Variants in DOCK10 observed in about 807,000 individuals in gnomAD.
The protein encoded by DOCK10 is dedicator of cytokinesis 10.
Under a neutral mutation model 280.1 loss-of-function variants are expected in DOCK10, and 145 were observed. The observed-to-expected ratio is 0.52, with a 90% CI of 0.45 to 0.59. DOCK10 has a LOEUF of 0.59. Among genes scored for constraint, DOCK10 ranks in the 20% least tolerant of loss-of-function variants. The pLI, the probability that DOCK10 is intolerant of heterozygous loss-of-function variation, is 0.00. For missense variants in DOCK10, 2,368 were observed against 2,651.7 expected, an observed-to-expected ratio of 0.89 and a Z score of 2.35; for synonymous variants, 915 against 942.2, an observed-to-expected ratio of 0.97 and a Z score of 0.53.
At chr2:224,892,397 C>CAAAAAAAAAAAAAAAAAAAAAAAAAAAA (rs1174651393) in intron 4 of DOCK10, among the ~76,000 whole-genome samples, 1 of 52,252 alleles carries the variant, frequency 1.9e-5, no homozygotes, top group Non-Finnish European at 3.3e-5. Context: ...GACCCTGTCT[C>CAAAAAAAAAAAAAAAAAAAAAAAAAAAA]AAAAAAAAAA....
At chr2:224,996,567 TCA>T (rs1330086215) in intron 1 of DOCK10, among the ~76,000 whole-genome samples, 4 of 152,208 alleles carry the variant, frequency 2.6e-5, no homozygotes, top group Non-Finnish European at 1.5e-5. Flanking sequence ...TAGGGACTAT[TCA>T]CAGACAGAAT....
rs771683635 is a variant in DOCK10, at chr2:224,886,088, G to T, written c.587C>A (p.Thr196Asn). The change falls in exon 6 of 56, where the codon ACC becomes AAC. Residue 196 changes from threonine to asparagine, a missense_variant. Transcript: ENST00000258390. ...CCGAACAGTAACGGTGTTGTTCACG[G>T]TGCTGTTAAAATTCCCCTTGTAGAG... ...GWLYKGNFNS[T>N]VNNTVTVRSF... is the part of the protein sequence containing the mutation. 6.2e-7 allele frequency: 1 copy of T among 1,613,772 alleles called. No homozygotes were observed. The highest frequency in any genetic ancestry group is 8.5e-7 in the Non-Finnish European group (1 of 1,179,846).
intron 1 of DOCK10, among the ~76,000 whole-genome samples, chr2:225,002,185 T>C (rs1706448732): frequency 6.6e-6 from 1 of 152,194 alleles, no homozygotes; most frequent in South Asian, 2.1e-4. Flanking sequence ...CATCTGACTT[T>C]TGAAGGCCGA....
intron 47 of DOCK10, among the ~76,000 whole-genome samples, chr2:224,790,181 A>T (rs945459790): frequency 2.6e-5 from 4 of 152,258 alleles, no homozygotes; most frequent in Non-Finnish European, 5.9e-5. Context: ...CTCTACAGAT[A>T]CATGTGAAAA....
chr2:224,858,647 C>T (rs954763082), intron 14 of DOCK10, among the ~76,000 whole-genome samples: 16 of 151,740 alleles, frequency 1.1e-4, no homozygotes, highest in Non-Finnish European at 2.1e-4. Flanking sequence ...AGCGAGACTC[C>T]GTCTCAAAAA....
intron 41 of DOCK10, 94 bp from the exon 42 acceptor site, chr2:224,798,063 C>A: frequency 7.8e-7 from 1 of 1,278,540 alleles, no homozygotes; most frequent in South Asian, 1.3e-5. Flanking sequence ...TGTGGTAAGG[C>A]ACTATTTTGA....
At chr2:224,781,974 T>G (rs1478367856) in intron 50 of DOCK10, among the ~76,000 whole-genome samples, 1 of 152,076 alleles carries the variant, frequency 6.6e-6, no homozygotes, top group Non-Finnish European at 1.5e-5. Flanking sequence ...GAAGAATGTA[T>G]TTGAGGAGGA....
chr2:224,992,644 C>G (rs952749515), intron 1 of DOCK10, among the ~76,000 whole-genome samples: 1 of 152,196 alleles, frequency 6.6e-6, no homozygotes, highest in African/African-American at 2.4e-5. Context: ...CCTATTATCT[C>G]CAGTTTGTGC....
At chr2:224,914,073 C>A (rs1319233493) in intron 3 of DOCK10, among the ~76,000 whole-genome samples, 4 of 152,010 alleles carry the variant, frequency 2.6e-5, no homozygotes, top group Non-Finnish European at 5.9e-5. Context: ...TTCTTTTTTT[C>A]ATCTGGAATT....
intron 2 of DOCK10, among the ~76,000 whole-genome samples, chr2:224,921,096 A>ATATATATAT (rs1480408193): frequency 1.7e-4 from 5 of 29,968 alleles, no homozygotes; most frequent in Non-Finnish European, 2.5e-4. Context: ...CTCTATTAAA[A>ATATATATAT]AAAAAAAAAA....
At chr2:224,881,580 T>C (rs1698981414) in intron 7 of DOCK10, among the ~76,000 whole-genome samples, 2 of 152,194 alleles carry the variant, frequency 1.3e-5, no homozygotes, top group South Asian at 4.1e-4. Context: ...CTGCCTCAAG[T>C]TAAACTTTGC....
intron 47 of DOCK10, among the ~76,000 whole-genome samples, chr2:224,789,733 C>A (rs1692013335): frequency 6.6e-6 from 1 of 151,532 alleles, no homozygotes; most frequent in Non-Finnish European, 1.5e-5. Flanking sequence ...GAGTGAGACC[C>A]TATCTCTCCC....
chr2:224,854,830 C>T (rs1696995222), intron 16 of DOCK10, 133 bp downstream of exon 16: 1 of 605,350 alleles, frequency 1.7e-6, no homozygotes, highest in Non-Finnish European at 2.8e-6. Context: ...AAAAAAAACC[C>T]AAAACCTTGT....
At chr2:224,783,834 T>G (rs1254622644) in intron 50 of DOCK10, among the ~76,000 whole-genome samples, 1 of 152,000 alleles carries the variant, frequency 6.6e-6, no homozygotes, top group African/African-American at 2.4e-5. Context: ...GGTATGAATG[T>G]GGGAAGGAAT....
At chr2:224,790,455 C>T (rs1251383488) in intron 47 of DOCK10, among the ~76,000 whole-genome samples, 1 of 152,128 alleles carries the variant, frequency 6.6e-6, no homozygotes, top group Non-Finnish European at 1.5e-5. Flanking sequence ...GTGGTGCCTT[C>T]TATGTAGCAA....
intron 31 of DOCK10, among the ~76,000 whole-genome samples, chr2:224,813,384 T>A (rs1321855063): frequency 6.6e-6 from 1 of 152,104 alleles, no homozygotes; most frequent in Non-Finnish European, 1.5e-5. Context: ...TTAGTAGAGA[T>A]GGGGTTTCAC....
intron 7 of DOCK10, among the ~76,000 whole-genome samples, chr2:224,885,207 C>T (rs1039570829): frequency 6.6e-6 from 1 of 152,142 alleles, no homozygotes; most frequent in African/African-American, 2.4e-5. Flanking sequence ...ACCATGTTGG[C>T]CTAGCTAGTC....
chr2:224,844,749 T>C lies in DOCK10; in HGVS notation c.2568+4A>G. On this transcript the variant is annotated splice_donor_region_variant and intron_variant, in intron 22 of 55. Transcript: ENST00000258390. Reference sequence around the variant, plus strand: ...ATGCTAGTATTTCAGGTCAACATACTCACCTGAGTATTTACTGTTGATACA... The same window carrying C: ...ATGCTAGTATTTCAGGTCAACATACCCACCTGAGTATTTACTGTTGATACA... The C allele has an allele frequency of 6.3e-7, 1 of 1,575,568 alleles. No homozygotes were observed. Among genetic ancestry groups the C allele is most frequent in the South Asian group, 1.2e-5 (1 of 86,556 alleles).
At chr2:224,944,952 G>A (rs749700141) in intron 1 of DOCK10, among the ~76,000 whole-genome samples, 3 of 152,118 alleles carry the variant, frequency 2.0e-5, no homozygotes, top group Non-Finnish European at 4.4e-5. Context: ...CTTACTGGCC[G>A]CTCTTCCCAT....
Sources: gnomAD v4.1 joint callset for allele counts (sites outside exome capture counted in the v4.1 genomes callset) on GRCh38, gnomAD v4.1.1 for gene constraint, MANE v1.5 for transcripts, NCBI Gene and HGNC (gene_info 2026-07-23, HGNC 2026-07-21) for gene names.